The following ATP6V0A1 variants were observed in gnomAD, a reference collection of about 807,000 sequenced individuals.
ATP6V0A1 encodes ATPase H+ transporting V0 subunit a1, also known as V-type proton ATPase 116 kDa subunit a 1.
In ATP6V0A1, 43 loss-of-function variants were observed where a neutral mutation model predicts 105.4. The ratio of observed to expected loss-of-function variants is 0.41; its 90% CI spans 0.32 to 0.53. The LOEUF (loss-of-function observed/expected upper bound fraction) is 0.53. ATP6V0A1 is among the 20% of genes least tolerant of loss of function. ATP6V0A1 has a pLI of 0.30. For synonymous variants in ATP6V0A1, 362 were observed against 372.8 expected, an observed-to-expected ratio of 0.97 and a Z score of 0.33; for missense variants, 676 against 1,051.1, an observed-to-expected ratio of 0.64 and a Z score of 4.93.
chr17:42,506,886 T>C (rs915482593), intron 17 of ATP6V0A1, among the ~76,000 whole-genome samples: 1 of 152,206 alleles, frequency 6.6e-6, no homozygotes. Flanking sequence ...ATTCCAGAGC[T>C]GTCTGCTGAA....
intron 2 of ATP6V0A1, among the ~76,000 whole-genome samples, chr17:42,462,583 C>T (rs938208197): frequency 6.6e-6 from 1 of 151,942 alleles, no homozygotes; most frequent in Non-Finnish European, 1.5e-5. Flanking sequence ...CCATGCCCAG[C>T]TAATTTTTGT....
intron 12 of ATP6V0A1, 93 bp from the exon 13 acceptor site, chr17:42,494,941 G>C: frequency 7.3e-7 from 1 of 1,361,338 alleles, no homozygotes; most frequent in South Asian, 1.4e-5. Context: ...GTAAAGTAGT[G>C]CTGGAGAAAG....
intron 5 of ATP6V0A1, 167 bp downstream of exon 5, chr17:42,470,385 A>C (rs1210123866): frequency 2.6e-6 from 2 of 783,132 alleles, no homozygotes; most frequent in Non-Finnish European, 2.0e-6. Context: ...TTTTTCATGC[A>C]GTACACAACC....
chr17:42,513,844 G>T lies in ATP6V0A1; in HGVS notation c.2131-17G>T. 3 of 1,606,640 alleles carry T rather than the reference G, an allele frequency of 1.9e-6. No homozygotes were observed. Among genetic ancestry groups the T allele is most frequent in the Non-Finnish European group, 2.6e-6 (3 of 1,173,300 alleles). ...CTCCTAGCCTTATATCTTCTCTCTG[G>T]TTTCCTCCCACGACAGTTTGACTTT... On this transcript the variant is annotated splice_polypyrimidine_tract_variant and intron_variant, in intron 19 of 21. Coordinates refer to ENST00000343619, the MANE Select transcript of ATP6V0A1 (RefSeq NM_001130021.3).
At chr17:42,496,171 C>T (rs976758014) in intron 14 of ATP6V0A1, 1 of 156,408 alleles carries the variant, frequency 6.4e-6, no homozygotes, top group African/African-American at 2.4e-5. Flanking sequence ...CAGAGGACTT[C>T]TAAGCCATAA....
chr17:42,483,141 A>C lies in ATP6V0A1; in HGVS notation c.810+10A>C. Reference sequence around the variant, plus strand: ...TGATGATCTCCAAATGGTATGCAGAAGGCTGGAGGGAATTTGTTTTTGTGA... The same window carrying C: ...TGATGATCTCCAAATGGTATGCAGACGGCTGGAGGGAATTTGTTTTTGTGA... On this transcript the variant is annotated intron_variant, in intron 9 of 21. Coordinates refer to ENST00000343619, the MANE Select transcript of ATP6V0A1 (RefSeq NM_001130021.3). The C allele has an allele frequency of 6.7e-7, 1 of 1,490,316 alleles. No individual in the cohort carries two copies. The highest frequency in any genetic ancestry group is 1.4e-5 in the South Asian group (1 of 70,460). The allele number at this position is 1,490,316 out of a possible 1,614,324, so 92.3% of individuals were successfully genotyped here.
Position 42,466,498 on chromosome 17 carries a change from C to T in ATP6V0A1, c.187C>T (p.Arg63Ter). 2 of 1,612,454 alleles carry T rather than the reference C, an allele frequency of 1.2e-6. No homozygotes were observed. The highest frequency in any genetic ancestry group is 1.7e-6 in the Non-Finnish European group (2 of 1,178,732). The change falls in exon 3 of 22, where the codon CGA becomes TGA. Residue 63 changes from arginine to a stop codon, truncating the protein, a stop_gained. Transcript: ENST00000343619. LOFTEE classifies it high-confidence loss of function. The stretch of plus-strand genomic sequence containing the variant: ...AGTTAGAAGATGTGAAGAAATGGAT[C>T]GAAAGCTTCGTATGTGCACTTTGGT... ...NEVRRCEEMDRKLRFVEKEIR... is the reference protein window; with the variant it reads ...NEVRRCEEMD
rs185080077 is a variant in ATP6V0A1, at chr17:42,498,437, C to T, written c.1561-487C>T. On this transcript the variant is annotated intron_variant, in intron 14 of 21. Transcript: ENST00000343619. ...GCAAGATTAAAAAAAAAAATTTTGT[C>T]GAAGCAGAGTGATAGGTGCCTGGGA... Among the ~76,000 whole-genome samples, 466 of 151,990 alleles carry T rather than the reference C, an allele frequency of 3.1e-3. 3 individuals carry two copies. Among genetic ancestry groups the T allele is most frequent in the African/African-American group, 0.011 (443 of 41,436 alleles).
chr17:42,500,789 A>C lies in ATP6V0A1; in HGVS notation c.1762A>C (p.Ile588Leu). ...GACCTCTTTGTTTGGCTATTTGGTT[A>C]TCCTTATTTTTTACAAGTGGACGGC... ...FMTSLFGYLVILIFYKWTAYD... is the reference protein window; with the variant it reads ...FMTSLFGYLVLLIFYKWTAYD... The change falls in exon 16 of 22, where the codon ATC (isoleucine) becomes CTC (leucine). Residue 588 changes from isoleucine (I) to leucine (L), a missense_variant. Around this residue, in one of 3 missense-constraint regions of ATP6V0A1, gnomAD observed 435 missense variants for 642.2 expected, o/e 0.68. Transcript: ENST00000343619. 1 of 1,613,776 alleles carries C rather than the reference A, an allele frequency of 6.2e-7. No individual in the cohort carries two copies. Among genetic ancestry groups the C allele is most frequent in the South Asian group, 1.1e-5 (1 of 91,072 alleles).
In ATP6V0A1 at chr17:42,477,752, A is replaced by C. The variant is rs199502315; in HGVS notation, c.506+10A>C. 1 of 1,604,494 alleles carries C rather than the reference A, an allele frequency of 6.2e-7. No individual in the cohort carries two copies. The highest frequency in any genetic ancestry group is 8.5e-7 in the Non-Finnish European group (1 of 1,172,034). ...CTCCTTTAAGACTTGGGTAAGTGCCATGTCAACTTTTCGGTATTCAGTGGG... is the reference window on the plus strand; with the variant it reads ...CTCCTTTAAGACTTGGGTAAGTGCCCTGTCAACTTTTCGGTATTCAGTGGG... On this transcript the variant is annotated intron_variant, in intron 6 of 21. Coordinates refer to ENST00000343619, the MANE Select transcript of ATP6V0A1 (RefSeq NM_001130021.3).
chr17:42,481,908 C>G (rs2089557332), intron 8 of ATP6V0A1, among the ~76,000 whole-genome samples: 1 of 152,158 alleles, frequency 6.6e-6, no homozygotes, highest in Admixed American at 6.5e-5. Context: ...GTGGCACAAT[C>G]ACAGCTCACT....
rs564180182 is a variant in ATP6V0A1, at chr17:42,520,685, G to A, written c.2421-342G>A. ...AGGTGGGCTGTGTGATCCCCTGCCA[G>A]GAGGGGGCGATGGGGGCCACTTGTT... is the stretch of plus-strand genomic sequence containing the variant. On this transcript the variant is annotated intron_variant, in intron 21 of 21. Coordinates refer to ENST00000343619, the MANE Select transcript of ATP6V0A1 (RefSeq NM_001130021.3). 6.0e-5 allele frequency: 26 copies of A among 429,814 alleles called. No homozygotes were observed. In the Admixed American group the frequency reaches 6.2e-4, roughly 10 times the overall value. 26.6% of individuals were successfully genotyped at this position (429,814 alleles called of 1,614,324 possible).
chr17:42,511,122 A>G (rs1414963511), intron 19 of ATP6V0A1: 2 of 152,364 alleles, frequency 1.3e-5, no homozygotes, highest in Non-Finnish European at 2.9e-5. Context: ...TAGGCAAGGC[A>G]GAGATGGAGA....
chr17:42,474,228 T>G (rs563676510), intron 5 of ATP6V0A1, among the ~76,000 whole-genome samples: 4 of 152,082 alleles, frequency 2.6e-5, no homozygotes, highest in Admixed American at 2.0e-4. Context: ...GGTCTCGAAC[T>G]CTGACCTCGT....
At chr17:42,509,532 A>G (rs1026846003) in intron 19 of ATP6V0A1, among the ~76,000 whole-genome samples, 2 of 152,204 alleles carry the variant, frequency 1.3e-5, no homozygotes, top group African/African-American at 4.8e-5. Context: ...CCTGAAGCCT[A>G]GAGAGGCTCC....
intron 14 of ATP6V0A1, among the ~76,000 whole-genome samples, chr17:42,498,335 G>T (rs981185934): frequency 6.6e-6 from 1 of 152,100 alleles, no homozygotes; most frequent in Non-Finnish European, 1.5e-5. Context: ...TTTTAGTAAT[G>T]TGGAGATGAG....
At chr17:42,495,318 G>A in intron 13 of ATP6V0A1, 130 bp downstream of exon 13, 1 of 993,524 alleles carries the variant, frequency 1.0e-6, no homozygotes, top group Non-Finnish European at 1.5e-6. Flanking sequence ...GCTCCACACT[G>A]TGAGTTGCTT....
At position 42,521,138 on chromosome 17, in the gene ATP6V0A1, G is replaced by A; in HGVS notation, c.*18G>A. 1.3e-6 allele frequency: 2 copies of A among 1,587,338 alleles called. No homozygotes were observed. Among genetic ancestry groups the A allele is most frequent in the Non-Finnish European group, 1.7e-6 (2 of 1,164,230 alleles). On this transcript the variant is annotated 3_prime_UTR_variant, in exon 22 of 22. Coordinates refer to ENST00000343619, the MANE Select transcript of ATP6V0A1 (RefSeq NM_001130021.3). This position sits in a 1 kb window ranked among gnomAD's most constrained non-coding sequence, Gnocchi z 4.8. ...AAGAGTGAGTCCCTGTGAGGGCCGT[G>A]TGCCCCATGCTACCCTCCCCGCCTC...
chr17:42,514,230 C>T (rs1265963376), intron 20 of ATP6V0A1, 59 bp from the exon 21 acceptor site: 1 of 1,529,026 alleles, frequency 6.5e-7, no homozygotes, highest in Non-Finnish European at 8.8e-7. Context: ...GAGCAAAATT[C>T]ATGGCCTACA....
Sources: allele counts gnomAD v4.1 joint callset (sites outside exome capture counted in the v4.1 genomes callset), GRCh38; gene constraint gnomAD v4.1.1; regional missense constraint gnomAD v4.1.1; non-coding constraint Gnocchi (gnomAD v3.1); transcripts MANE v1.5; gene names NCBI Gene and HGNC (gene_info 2026-07-23, HGNC 2026-07-21).